ATF6: variants seen among roughly 807,000 people sequenced by gnomAD.
The protein encoded by ATF6 is activating transcription factor 6.
ATF6 carries 53 observed loss-of-function variants against 83.6 expected under a neutral mutation model. The observed-to-expected ratio is 0.63, with a 90% CI of 0.51 to 0.80. The LOEUF (loss-of-function observed/expected upper bound fraction) is 0.80. ATF6 is among the 30% of genes least tolerant of loss of function. The probability of loss-of-function intolerance (pLI) is 0.00; values close to 1 mark genes in which losing one functional copy is unlikely to be tolerated. For synonymous variants in ATF6, 288 were observed against 285.8 expected (o/e 1.01, Z -0.08); for missense variants, 744 against 797.9 (o/e 0.93, Z 0.81).
chr1:161,921,985 C>T (rs560444355), intron 15 of ATF6, among the ~76,000 whole-genome samples: 2 of 100,204 alleles, frequency 2.0e-5, no homozygotes, highest in African/African-American at 3.8e-5. Context: ...TCTTTCTTTG[C>T]TTGTTTTCCC....
At chr1:161,789,054 A>G in intron 4 of ATF6, among the ~76,000 whole-genome samples, 1 of 151,966 alleles carries the variant, frequency 6.6e-6, no homozygotes, top group East Asian at 1.9e-4. Flanking sequence ...TGTGGGGTAC[A>G]TGAGATGTTT....
At chr1:161,803,027 G>A (rs1203309323) in intron 7 of ATF6, among the ~76,000 whole-genome samples, 3 of 152,164 alleles carry the variant, frequency 2.0e-5, no homozygotes, top group Admixed American at 1.3e-4. Flanking sequence ...CTAAAGTTAC[G>A]ATTGGGAAAG....
chr1:161,821,462 ATT>A (rs1685761427), intron 9 of ATF6, among the ~76,000 whole-genome samples: 1 of 152,158 alleles, frequency 6.6e-6, no homozygotes, highest in South Asian at 2.1e-4. Flanking sequence ...TACTCGATAC[ATT>A]TTTTGTTGAG....
chr1:161,953,696 T>A (rs1050375165), intron 15 of ATF6, among the ~76,000 whole-genome samples: 1 of 152,166 alleles, frequency 6.6e-6, no homozygotes, highest in Admixed American at 6.6e-5. Context: ...TGTTCTCCCT[T>A]AAGCCTCCAG....
chr1:161,943,913 A>G (rs951529195), intron 15 of ATF6, among the ~76,000 whole-genome samples: 1 of 152,194 alleles, frequency 6.6e-6, no homozygotes, highest in African/African-American at 2.4e-5. Flanking sequence ...GCTCACTAGA[A>G]TGTGAATGCT....
intron 9 of ATF6, among the ~76,000 whole-genome samples, chr1:161,827,607 C>T (rs538093756): frequency 4.0e-5 from 6 of 150,904 alleles, no homozygotes; most frequent in Non-Finnish European, 5.9e-5. Context: ...AGATGTTCAG[C>T]GTAGAACTGA....
At chr1:161,856,467 G>A (rs574061621) in intron 12 of ATF6, among the ~76,000 whole-genome samples, 2 of 152,234 alleles carry the variant, frequency 1.3e-5, no homozygotes, top group East Asian at 1.9e-4. Context: ...TGCTACCATG[G>A]TCAGAGGAAA....
In ATF6 at chr1:161,766,382, G is replaced by C; in HGVS notation, c.22G>C (p.Ala8Pro). 6.2e-7 allele frequency: 1 copy of C among 1,613,036 alleles called. No homozygotes were observed. The highest frequency in any genetic ancestry group is 8.5e-7 in the Non-Finnish European group (1 of 1,179,482). The change falls in exon 1 of 16, where the codon GCC becomes CCC. Residue 8 changes from alanine to proline, a missense_variant. Transcript: ENST00000367942. MGEPAGV[A>P]GTMESPFSPG... is the part of the protein sequence containing the mutation. ...TGAAATGGGGGAGCCGGCTGGGGTT[G>C]CCGGCACCATGGAGTCACCTTTTAG...
At chr1:161,893,355 G>A (rs2101872016) in intron 14 of ATF6, among the ~76,000 whole-genome samples, 1 of 151,840 alleles carries the variant, frequency 6.6e-6, no homozygotes, top group East Asian at 1.9e-4. Flanking sequence ...TAGTAGAGAC[G>A]GGGTTTCTCC....
rs138321248 is a variant in ATF6 at position 161,792,268 on chromosome 1, C to A, written c.629C>A (p.Thr210Lys). ...AKTIIIQTVPTLMPLAKQQPI... is the reference protein window; with the variant it reads ...AKTIIIQTVPKLMPLAKQQPI... ...ACCATCATTATTCAGACAGTACCAA[C>A]GCTTATGCCATTGGCAAAGCAGCAA... Residue 210 changes from threonine to lysine, a missense_variant, in exon 6 of 16, where the codon ACG becomes AAG. Transcript: ENST00000367942. The A allele has an allele frequency of 6.2e-7, 1 of 1,614,136 alleles. No individual in the cohort carries two copies. The highest frequency in any genetic ancestry group is 2.2e-5 in the East Asian group (1 of 44,886).
intron 14 of ATF6, among the ~76,000 whole-genome samples, chr1:161,896,000 A>G (rs1201295131): frequency 6.6e-6 from 1 of 152,238 alleles, no homozygotes; most frequent in Non-Finnish European, 1.5e-5. Flanking sequence ...TAGATGCTGG[A>G]CCATCCCTGT....
chr1:161,839,809 C>T (rs1686311145), intron 9 of ATF6, among the ~76,000 whole-genome samples: 1 of 152,066 alleles, frequency 6.6e-6, no homozygotes. Context: ...TGCAGGGATC[C>T]TGGGGTGGAA....
chr1:161,812,493 C>T (rs1307394315), intron 7 of ATF6, among the ~76,000 whole-genome samples: 3 of 138,254 alleles, frequency 2.2e-5, no homozygotes, highest in Admixed American at 7.8e-5. Flanking sequence ...CCCGGGTTCA[C>T]GCCATTCTCC....
At chr1:161,782,032 A>G (rs1684643504) in intron 3 of ATF6, 33 bp downstream of exon 3, 2 of 1,450,460 alleles carry the variant, frequency 1.4e-6, no homozygotes, top group Admixed American at 2.0e-5. Context: ...AAAGTTTTAA[A>G]AAGATCAATT....
At chr1:161,860,329 T>G in intron 13 of ATF6, 52 bp downstream of exon 13, 2 of 1,381,794 alleles carry the variant, frequency 1.4e-6, no homozygotes, top group Non-Finnish European at 1.9e-6. Context: ...GCTGGTATTT[T>G]AAGAAAGTTG....
At chr1:161,805,669 A>G (rs1287026000) in intron 7 of ATF6, among the ~76,000 whole-genome samples, 3 of 152,144 alleles carry the variant, frequency 2.0e-5, no homozygotes, top group South Asian at 2.1e-4. Context: ...TCAGTATTAC[A>G]TGTGTCTGTT....
At chr1:161,881,135 G>T (rs76157571) in intron 14 of ATF6, among the ~76,000 whole-genome samples, 1 of 152,148 alleles carries the variant, frequency 6.6e-6, no homozygotes. Flanking sequence ...AGGATTTTGT[G>T]TGTGTGTTGT....
rs578179637 is a variant in ATF6, at chr1:161,830,135, G to A, written c.1187+8974G>A. Among the ~76,000 whole-genome samples the A allele has an allele frequency of 4.6e-3, 700 of 152,254 alleles. 10 individuals carry two copies. The highest frequency in any genetic ancestry group is 0.016 in the African/African-American group (683 of 41,550). ...CAAAATCAATGTGCAAAAATCACAA[G>A]CATTCTTATACACCAATAGCAGACA... On this transcript the variant is annotated intron_variant, in intron 9 of 15. Coordinates refer to ENST00000367942, the MANE Select transcript of ATF6 (RefSeq NM_007348.4).
At chr1:161,896,355 C>T (rs894359436) in intron 14 of ATF6, among the ~76,000 whole-genome samples, 3 of 152,184 alleles carry the variant, frequency 2.0e-5, no homozygotes, top group African/African-American at 7.2e-5. Context: ...CCTCGGCCTC[C>T]CAAAGTGCTG....
Sources: allele counts gnomAD v4.1 joint callset (sites outside exome capture counted in the v4.1 genomes callset), GRCh38; gene constraint gnomAD v4.1.1; transcripts MANE v1.5; gene names NCBI Gene and HGNC (gene_info 2026-07-23, HGNC 2026-07-21).